SMARCAD1: variants seen among roughly 807,000 people sequenced by gnomAD.
SMARCAD1 encodes SWI/SNF-related matrix-associated actin-dependent regulator of chromatin subfamily A containing DEAD/H box 1.
A neutral mutation model predicts 127.1 loss-of-function variants in SMARCAD1; 25 were observed. That is an observed-to-expected ratio of 0.20 (90% CI 0.14 to 0.27). The LOEUF (loss-of-function observed/expected upper bound fraction) is 0.27. SMARCAD1 is among the 10% of genes least tolerant of loss of function. The pLI, the probability that SMARCAD1 is intolerant of heterozygous loss-of-function variation, is 1.00. For missense variants in SMARCAD1, 807 were observed against 1,206.0 expected (o/e 0.67, Z 4.90); for synonymous variants, 400 against 396.9 (o/e 1.01, Z -0.09).
At chr4:94,239,535 C>G (rs1392278779) in intron 5 of SMARCAD1, among the ~76,000 whole-genome samples, 3 of 150,188 alleles carry the variant, frequency 2.0e-5, no homozygotes, top group Non-Finnish European at 4.4e-5. Context: ...TTGATGTTGT[C>G]CGGAGTCTCT....
At chr4:94,224,117 G>A (rs914053232) in intron 2 of SMARCAD1, among the ~76,000 whole-genome samples, 2 of 152,078 alleles carry the variant, frequency 1.3e-5, no homozygotes, top group African/African-American at 2.4e-5. Flanking sequence ...ATAATATGTA[G>A]GTTTCTTCAT....
In SMARCAD1 at chr4:94,250,832, A is replaced by T; in HGVS notation, c.888A>T (p.Gln296His). The change falls in exon 8 of 24, where the codon CAA becomes CAT. Residue 296 changes from glutamine to histidine, a missense_variant and splice_region_variant. Gln to His is a conservative substitution (Grantham distance 24). Around this residue, in one of 8 missense-constraint regions of SMARCAD1, gnomAD observed 257 missense variants for 303.4 expected, o/e 0.85. Transcript: ENST00000354268. ...CTCTAAAAGTGTTTGCAGAAGACCA[A>T]GGTAATTATTCTGGGTCATAGAAAA... ...LESLKVFAED[Q>H]DMQYVSQSEV... 1 of 1,609,276 alleles carries T rather than the reference A, an allele frequency of 6.2e-7. No homozygotes were observed. The highest frequency in any genetic ancestry group is 8.5e-7 in the Non-Finnish European group (1 of 1,175,994).
In SMARCAD1 at chr4:94,245,760, C is replaced by T. The variant is rs117844868; in HGVS notation, c.706-3894C>T. On this transcript the variant is annotated intron_variant, in intron 6 of 23. Coordinates refer to ENST00000354268, the MANE Select transcript of SMARCAD1 (RefSeq NM_020159.5). ...TATCATTTTTATTAGATTGCCTTCT[C>T]TTTTTATATGTCACTGATGAAGTTT... Among the ~76,000 whole-genome samples the T allele has an allele frequency of 6.8e-4, 104 of 152,288 alleles. No homozygotes were observed. The East Asian group carries it at 0.019, about 28-fold the overall frequency.
At chr4:94,247,827 T>C (rs28497628) in intron 6 of SMARCAD1, among the ~76,000 whole-genome samples, 1 of 152,256 alleles carries the variant, frequency 6.6e-6, no homozygotes, top group South Asian at 2.1e-4. Flanking sequence ...CAGAAAAATG[T>C]GTTTTATTTG....
intron 3 of SMARCAD1, 133 bp downstream of exon 3, chr4:94,226,429 T>C (rs1745012909): frequency 1.5e-6 from 1 of 651,754 alleles, no homozygotes; most frequent in African/African-American, 1.8e-5. Flanking sequence ...CACCTGCCTT[T>C]CTTGGCCACA....
intron 5 of SMARCAD1, among the ~76,000 whole-genome samples, chr4:94,239,175 A>G (rs377607095): frequency 2.0e-4 from 30 of 152,226 alleles, no homozygotes; most frequent in African/African-American, 6.0e-4. Flanking sequence ...ACTTTGAGGT[A>G]GTATATAGAA....
rs200628047 is a variant in SMARCAD1 at position 94,235,632 on chromosome 4, T to TA, written c.538-1318dup. On this transcript the variant is annotated intron_variant, in intron 4 of 23. Coordinates refer to ENST00000354268, the MANE Select transcript of SMARCAD1 (RefSeq NM_020159.5). ...TCTGACAGCAGTGTTACTTGTCTGCTAATGTGAATTTTTTTTTTTTTTTTT... is the reference window on the plus strand; with the variant it reads ...TCTGACAGCAGTGTTACTTGTCTGCTAAATGTGAATTTTTTTTTTTTTTTTT... 4.3e-3 allele frequency among the ~76,000 whole-genome samples: 643 copies of TA among 150,850 alleles called. 3 individuals are homozygous for TA. The highest frequency in any genetic ancestry group is 0.015 in the African/African-American group (595 of 41,002).
At chr4:94,261,027 G>A (rs958488295) in intron 9 of SMARCAD1, among the ~76,000 whole-genome samples, 60 of 151,898 alleles carry the variant, frequency 4.0e-4, no homozygotes, top group African/African-American at 1.4e-3. Context: ...CTGTTCAGTG[G>A]CAGAAAATAT....
rs1228350964 is a variant in SMARCAD1, at chr4:94,290,944, A to G, written c.*1410A>G. 1 of 453,350 alleles carries G rather than the reference A, an allele frequency of 2.2e-6. No individual in the cohort carries two copies. The highest frequency in any genetic ancestry group is 6.9e-5 in the East Asian group (1 of 14,400). The allele number at this position is 453,350 out of a possible 1,614,324, so 28.1% of individuals were successfully genotyped here. On this transcript the variant is annotated 3_prime_UTR_variant, in exon 24 of 24. Transcript: ENST00000354268. Reference sequence around the variant, plus strand: ...CTTACAGTGATTATTTAGATATTAAAGACTGAGAACTCACGGCTTAACCCC... The same window carrying G: ...CTTACAGTGATTATTTAGATATTAAGGACTGAGAACTCACGGCTTAACCCC...
intron 7 of SMARCAD1, among the ~76,000 whole-genome samples, 198 bp from the exon 8 acceptor site, chr4:94,250,554 C>G (rs1206582848): frequency 6.6e-6 from 1 of 152,036 alleles, no homozygotes; most frequent in Non-Finnish European, 1.5e-5. Flanking sequence ...AGTTTTCTTT[C>G]CTTTGAAGAC....
At position 94,208,728 on chromosome 4, in the gene SMARCAD1, C is replaced by T. The variant is rs1054422862; in HGVS notation, c.190+144C>T. ...TGCCCTTTTAAATACAGCTTTGGGA[C>T]TGCCATAAGCACCATGTACCCTCAA... On this transcript the variant is annotated intron_variant, in intron 2 of 23. Transcript: ENST00000354268. The T allele has an allele frequency of 2.4e-5, 19 of 793,994 alleles. No homozygotes were observed. The South Asian group carries it at 2.6e-4, about 11-fold the overall frequency. The allele number at this position is 793,994 out of a possible 1,614,324, so 49.2% of individuals were successfully genotyped here. A position where few individuals can be genotyped will look rare whatever the true frequency, so the allele number is the denominator to read the frequency against.
At chr4:94,228,828 T>C (rs1745404174) in intron 3 of SMARCAD1, among the ~76,000 whole-genome samples, 1 of 152,178 alleles carries the variant, frequency 6.6e-6, no homozygotes, top group Non-Finnish European at 1.5e-5. Flanking sequence ...CTCTTTAAAC[T>C]CATTTAATCT....
rs1225683847 is a variant in SMARCAD1 at position 94,247,789 on chromosome 4, T to C, written c.706-1865T>C. 2.0e-5 allele frequency among the ~76,000 whole-genome samples: 3 copies of C among 152,234 alleles called. No homozygotes were observed. In the East Asian group the frequency reaches 5.8e-4, roughly 29 times the overall value. ...GTGGAATTATATAATATGTAACCTTTTATGTCTAGCCTCTTATTTTTTAAT... is the reference window on the plus strand; with the variant it reads ...GTGGAATTATATAATATGTAACCTTCTATGTCTAGCCTCTTATTTTTTAAT... On this transcript the variant is annotated intron_variant, in intron 6 of 23. Transcript: ENST00000354268.
At chr4:94,221,205 GT>G (rs1274050075) in intron 2 of SMARCAD1, among the ~76,000 whole-genome samples, 3 of 152,178 alleles carry the variant, frequency 2.0e-5, no homozygotes, top group African/African-American at 7.2e-5. Flanking sequence ...AAGATCAATG[GT>G]GATATTAACA....
At chr4:94,276,079 G>T (rs1317889565) in intron 14 of SMARCAD1, among the ~76,000 whole-genome samples, 1 of 152,092 alleles carries the variant, frequency 6.6e-6, no homozygotes, top group African/African-American at 2.4e-5. Context: ...TTACAGGTGT[G>T]AGCCACCGCT....
At chr4:94,211,861 C>T (rs973270769) in intron 2 of SMARCAD1, among the ~76,000 whole-genome samples, 1 of 152,162 alleles carries the variant, frequency 6.6e-6, no homozygotes, top group Non-Finnish European at 1.5e-5. Flanking sequence ...TCCTTGATCA[C>T]CCTGTGAAAT....
chr4:94,260,663 T>C (rs994223581), intron 9 of SMARCAD1, among the ~76,000 whole-genome samples: 2 of 152,216 alleles, frequency 1.3e-5, no homozygotes, highest in African/African-American at 4.8e-5. Context: ...ATACTGTTAT[T>C]GCTGCTTGTT....
At chr4:94,289,263 G>T (rs1706593183) in intron 23 of SMARCAD1, among the ~76,000 whole-genome samples, 1 of 152,016 alleles carries the variant, frequency 6.6e-6, no homozygotes, top group Admixed American at 6.6e-5. Context: ...ACCTTAGATT[G>T]CTATGTTGGC....
In SMARCAD1 at chr4:94,290,599, C is replaced by T. The variant is rs1237266230; in HGVS notation, c.*1065C>T. On this transcript the variant is annotated 3_prime_UTR_variant, in exon 24 of 24. Coordinates refer to ENST00000354268, the MANE Select transcript of SMARCAD1 (RefSeq NM_020159.5). ...AGTACAGGACCGCCTGAAGAGAGAG[C>T]CATTGTTCAATTCCAATTCAGTGTG... 3 of 454,410 alleles carry T rather than the reference C, an allele frequency of 6.6e-6. 1 individual carries two copies. The highest frequency in any genetic ancestry group is 4.7e-5 in the South Asian group (3 of 64,452). 28.1% of individuals were successfully genotyped at this position (454,410 alleles called of 1,614,324 possible).
Sources: allele counts gnomAD v4.1 joint callset (sites outside exome capture counted in the v4.1 genomes callset), GRCh38; gene constraint gnomAD v4.1.1; regional missense constraint gnomAD v4.1.1; transcripts MANE v1.5; gene names NCBI Gene and HGNC (gene_info 2026-07-23, HGNC 2026-07-21).